The following IFRD1 variants were observed in gnomAD, a reference collection of about 807,000 sequenced individuals.
IFRD1 encodes the protein interferon-related developmental regulator 1.
In IFRD1, 35 loss-of-function variants were observed where a neutral mutation model predicts 52.9. The observed-to-expected ratio is 0.66, with a 90% confidence interval of 0.51 to 0.88. The LOEUF (loss-of-function observed/expected upper bound fraction) is 0.88. IFRD1 is among the 40% of genes least tolerant of loss of function. IFRD1 has a pLI of 0.00. For synonymous variants in IFRD1, 184 were observed against 188.4 expected, an observed-to-expected ratio of 0.98 and a Z score of 0.19; for missense variants, 517 against 550.8, an observed-to-expected ratio of 0.94 and a Z score of 0.61.
intron 1 of IFRD1, chr7:112,452,396 A>T (rs1487029566): frequency 1.2e-6 from 1 of 869,156 alleles, no homozygotes; most frequent in Non-Finnish European, 1.4e-6. Context: ...GTCCCCAGGG[A>T]TCTTCCTGCC....
chr7:112,469,383 A>G (rs933574995), intron 9 of IFRD1, among the ~76,000 whole-genome samples: 1 of 152,148 alleles, frequency 6.6e-6, no homozygotes, highest in African/African-American at 2.4e-5. Context: ...CTCTTATCAC[A>G]TTATAGTAGG....
chr7:112,451,157 T>A (rs1001450629), intron 1 of IFRD1: 3 of 216,550 alleles, frequency 1.4e-5, no homozygotes, highest in Middle Eastern at 1.8e-3. Context: ...GAACGGGGAG[T>A]TGAGCCCGTG....
chr7:112,447,859 ATCTCTC>A (rs1795064037), upstream of IFRD1, among the ~76,000 whole-genome samples: 1 of 152,204 alleles, frequency 6.6e-6, no homozygotes, highest in Admixed American at 6.5e-5. Context: ...AAAGTACAGT[ATCTCTC>A]AGAATTCATT....
Position 112,456,941 on chromosome 7 carries a change from A to C in IFRD1, c.312A>C (p.Glu104Asp). 6.2e-7 allele frequency: 1 copy of C among 1,613,916 alleles called. No homozygotes were observed. The highest frequency in any genetic ancestry group is 8.5e-7 in the Non-Finnish European group (1 of 1,179,814). Reference protein sequence around the residue: ...KSAKTRQAALEGIKNALASKM... With the variant: ...KSAKTRQAALDGIKNALASKM... ...CGAAGACAAGGCAAGCAGCTCTTGAAGGTATTAAAAATGCACTGGCTTCAA... is the reference window on the plus strand; with the variant it reads ...CGAAGACAAGGCAAGCAGCTCTTGACGGTATTAAAAATGCACTGGCTTCAA... Residue 104 changes from glutamate to aspartate, a missense_variant, in exon 4 of 12, where the codon GAA becomes GAC. Physicochemically the swap from Glu to Asp is conservative, Grantham distance 45. Transcript: ENST00000403825.
chr7:112,461,984 A>C lies in IFRD1; in HGVS notation c.619-17A>C, dbSNP rs1304996020. The C allele has an allele frequency of 1.2e-6, 2 of 1,605,916 alleles. No individual in the cohort carries two copies. Among genetic ancestry groups the C allele is most frequent in the Non-Finnish European group, 1.7e-6 (2 of 1,173,010 alleles). On this transcript the variant is annotated splice_polypyrimidine_tract_variant and intron_variant, in intron 6 of 11. Transcript: ENST00000403825. ...TAATTTAAGATGGTTATCTTACTTC[A>C]TATTCTTATGCATTAGGAACTATAC...
rs3128397 is a variant in IFRD1 at position 112,428,004 on chromosome 7, G to A, written c.-182+4572G>A. Among the ~76,000 whole-genome samples, 1,059 of 152,270 alleles carry A rather than the reference G, an allele frequency of 7.0e-3. 12 individuals carry two copies. The highest frequency in any genetic ancestry group is 0.024 in the African/African-American group (1,014 of 41,532). The stretch of plus-strand genomic sequence containing the variant: ...CAGCTTGATGGGGGCAGAGGGGTGG[G>A]TCTCTATGAAGACCCCCAGGAAAAG... On this transcript the variant is annotated intron_variant, in intron 1 of 12. Coordinates refer to the IFRD1 transcript ENST00000005558.
intron 8 of IFRD1, among the ~76,000 whole-genome samples, chr7:112,463,842 A>G (rs1241491543): frequency 7.4e-6 from 1 of 134,792 alleles, no homozygotes. Flanking sequence ...ACATATATAT[A>G]CACATTTATA....
chr7:112,433,645 T>C (rs533330257), intron 1 of IFRD1, among the ~76,000 whole-genome samples: 4 of 152,234 alleles, frequency 2.6e-5, no homozygotes, highest in Non-Finnish European at 4.4e-5. Context: ...AGGGCTGTTA[T>C]CATCCTCTGT....
chr7:112,429,738 T>G (rs1452904912), intron 1 of IFRD1, among the ~76,000 whole-genome samples: 1 of 152,242 alleles, frequency 6.6e-6, no homozygotes, highest in Non-Finnish European at 1.5e-5. Context: ...GGCATATTCT[T>G]TTTTCTTTCG....
chr7:112,442,503 G>C (rs1482781441), intron 1 of IFRD1, among the ~76,000 whole-genome samples: 1 of 152,230 alleles, frequency 6.6e-6, no homozygotes, highest in Non-Finnish European at 1.5e-5. Flanking sequence ...GTTCACTGCT[G>C]CTAGGTGACT....
intron 8 of IFRD1, among the ~76,000 whole-genome samples, chr7:112,466,932 T>C (rs1463379469): frequency 6.6e-6 from 1 of 152,154 alleles, no homozygotes; most frequent in Non-Finnish European, 1.5e-5. Flanking sequence ...TTAATGGGTG[T>C]TGTCTCTAAC....
rs189079361 is a variant in IFRD1, at chr7:112,436,863, C to A, written c.-182+13431C>A. On this transcript the variant is annotated intron_variant, in intron 1 of 12. Coordinates refer to the IFRD1 transcript ENST00000005558. ...GGTCTTATATATCAAAAAATGTTCA[C>A]CAAGTTTGGGGAAAGGGCCTGGAAG... Among the ~76,000 whole-genome samples, 18 of 152,130 alleles carry A rather than the reference C, an allele frequency of 1.2e-4. No homozygotes were observed. In the East Asian group the frequency reaches 3.5e-3, roughly 29 times the overall value.
At chr7:112,428,640 G>C (rs1164896738) in intron 1 of IFRD1, among the ~76,000 whole-genome samples, 3 of 152,198 alleles carry the variant, frequency 2.0e-5, no homozygotes, top group Admixed American at 2.0e-4. Flanking sequence ...ATCTGCTTAT[G>C]AGGTGGCTTA....
chr7:112,431,273 T>A (rs1794542852), intron 1 of IFRD1, among the ~76,000 whole-genome samples: 1 of 152,234 alleles, frequency 6.6e-6, no homozygotes, highest in African/African-American at 2.4e-5. Flanking sequence ...ATATTATATA[T>A]TTTGAATTAA....
At chr7:112,463,018 G>T (rs1584495195) in intron 8 of IFRD1, among the ~76,000 whole-genome samples, 1 of 152,098 alleles carries the variant, frequency 6.6e-6, no homozygotes, top group Non-Finnish European at 1.5e-5. Flanking sequence ...CTTTATCTCG[G>T]GCAAACTGGG....
At chr7:112,470,249 A>G (rs1795713588) in intron 9 of IFRD1, among the ~76,000 whole-genome samples, 1 of 152,216 alleles carries the variant, frequency 6.6e-6, no homozygotes. Flanking sequence ...CAGAATAGTT[A>G]AGTAGCAGAG....
Position 112,472,875 on chromosome 7 carries a change from TTA to T in IFRD1, c.1266+16_1266+17del. ...CGTTTCGAAAGGGTAGGTTTTGTTTTTATTTTTAATAAAACTAAGTGCGCCAA... is the reference window on the plus strand; with the variant it reads ...CGTTTCGAAAGGGTAGGTTTTGTTTTTTTTTAATAAAACTAAGTGCGCCAA... On this transcript the variant is annotated intron_variant, in intron 11 of 11. Transcript: ENST00000403825. 6.3e-7 allele frequency: 1 copy of T among 1,575,034 alleles called. No homozygotes were observed. Among genetic ancestry groups the T allele is most frequent in the South Asian group, 1.1e-5 (1 of 90,218 alleles).
intron 8 of IFRD1, among the ~76,000 whole-genome samples, chr7:112,463,597 A>G (rs1795520864): frequency 6.6e-6 from 1 of 152,138 alleles, no homozygotes; most frequent in Non-Finnish European, 1.5e-5. Context: ...TTAGCAATCA[A>G]TTTAATTTTA....
At chr7:112,471,379 TTGTC>T (rs1392232328) in intron 9 of IFRD1, among the ~76,000 whole-genome samples, 1 of 152,152 alleles carries the variant, frequency 6.6e-6, no homozygotes, top group Non-Finnish European at 1.5e-5. Context: ...ATTATATACT[TTGTC>T]TGCTGAGTGA....
Sources: allele counts gnomAD v4.1 joint callset (sites outside exome capture counted in the v4.1 genomes callset), GRCh38; gene constraint gnomAD v4.1.1; transcripts MANE v1.5; gene names NCBI Gene and HGNC (gene_info 2026-07-23, HGNC 2026-07-21).